MSI2: variants seen among roughly 807,000 people sequenced by gnomAD.
The protein encoded by MSI2 is musashi RNA binding protein 2, also known as RNA-binding protein Musashi homolog 2.
MSI2 carries 17 observed loss-of-function variants against 45.6 expected under a neutral mutation model. The ratio of observed to expected loss-of-function variants is 0.37; its 90% CI spans 0.26 to 0.56. The LOEUF (loss-of-function observed/expected upper bound fraction) is 0.56, where lower values mean the gene tolerates loss of function less well. Ranked by LOEUF, MSI2 falls within the 20% of genes least tolerant of loss-of-function variation. The pLI, the probability that MSI2 is intolerant of heterozygous loss-of-function variation, is 0.77. For missense variants in MSI2, 293 were observed against 444.2 expected, an observed-to-expected ratio of 0.66 and a Z score of 3.06; for synonymous variants, 156 against 158.2, an observed-to-expected ratio of 0.99 and a Z score of 0.11.
chr17:57,333,616 A>AT (rs1415609476), intron 5 of MSI2, among the ~76,000 whole-genome samples: 2 of 151,420 alleles, frequency 1.3e-5, no homozygotes, highest in Non-Finnish European at 2.9e-5. Context: ...ATTTTTTTGT[A>AT]TTTTTAGTAG....
intron 5 of MSI2, among the ~76,000 whole-genome samples, chr17:57,336,631 T>C (rs1914710867): frequency 6.6e-6 from 1 of 152,222 alleles, no homozygotes; most frequent in Non-Finnish European, 1.5e-5. Flanking sequence ...ATAATGTACA[T>C]ATTTAATATG....
At chr17:57,439,332 C>G (rs1387000968) in intron 6 of MSI2, among the ~76,000 whole-genome samples, 5 of 152,268 alleles carry the variant, frequency 3.3e-5, no homozygotes, top group African/African-American at 1.2e-4. Context: ...CTGGTTGTGG[C>G]ATGTCGTAGT....
the MSI2 span, among the ~76,000 whole-genome samples, chr17:57,700,156 G>T: frequency 6.6e-6 from 1 of 152,332 alleles, no homozygotes; most frequent in African/African-American, 2.4e-5. Context: ...CTGGCTTTTT[G>T]CTTCATTCCC....
intron 5 of MSI2, among the ~76,000 whole-genome samples, chr17:57,385,610 C>T (rs1356648780): frequency 1.3e-5 from 2 of 152,082 alleles, no homozygotes; most frequent in Non-Finnish European, 2.9e-5. Context: ...GAGATAGTGC[C>T]GTTGCACCCC....
intron 6 of MSI2, among the ~76,000 whole-genome samples, chr17:57,460,987 G>C (rs2085215935): frequency 6.6e-6 from 1 of 152,200 alleles, no homozygotes; most frequent in Non-Finnish European, 1.5e-5. Context: ...TGCAGAGGCT[G>C]CAGCCCTCTT....
At chr17:57,428,310 A>G (rs1377812725) in intron 6 of MSI2, among the ~76,000 whole-genome samples, 1 of 152,020 alleles carries the variant, frequency 6.6e-6, no homozygotes, top group Non-Finnish European at 1.5e-5. Context: ...TGAAGCCTCC[A>G]TCTCTGGGCT....
In MSI2 at chr17:57,305,289, G is replaced by T. The variant is rs893219418; in HGVS notation, c.312+43097G>T. On this transcript the variant is annotated intron_variant, in intron 5 of 13. Coordinates refer to ENST00000284073, the MANE Select transcript of MSI2 (RefSeq NM_138962.4). ...CGGCATGGGTGAACCGTTCAGCTAG[G>T]GTCTTGGGGAAAGTCAGGCATCTCT... 2.0e-5 allele frequency among the ~76,000 whole-genome samples: 3 copies of T among 152,274 alleles called. No individual in the cohort carries two copies. The South Asian group carries it at 6.2e-4, about 32-fold the overall frequency.
chr17:57,574,522 C>T (rs1270800986), intron 7 of MSI2, among the ~76,000 whole-genome samples: 1 of 152,192 alleles, frequency 6.6e-6, no homozygotes, highest in Non-Finnish European at 1.5e-5. Flanking sequence ...ATTCTGGGTC[C>T]TGTGTCCCCA....
intron 6 of MSI2, among the ~76,000 whole-genome samples, chr17:57,462,205 C>G (rs552702157): frequency 6.6e-6 from 1 of 152,354 alleles, no homozygotes; most frequent in African/African-American, 2.4e-5. Context: ...ATGCCTGGGC[C>G]TAAATGTCCC....
At chr17:57,359,211 C>T (rs897915573) in intron 5 of MSI2, among the ~76,000 whole-genome samples, 8 of 152,196 alleles carry the variant, frequency 5.3e-5, no homozygotes, top group Admixed American at 4.6e-4. Context: ...TGCTGAGAGC[C>T]AGCCCATCAA....
chr17:57,695,626 T>C, the MSI2 span, among the ~76,000 whole-genome samples: 1,158 of 152,346 alleles, frequency 7.6e-3, 52 homozygotes, highest in Admixed American at 0.06. Context: ...CAGAGCTCTC[T>C]GTGAACAGAG....
chr17:57,285,633 C>A (rs1490198113), intron 5 of MSI2, among the ~76,000 whole-genome samples: 1 of 152,174 alleles, frequency 6.6e-6, no homozygotes, highest in Non-Finnish European at 1.5e-5. Context: ...ACAGTCATGC[C>A]TGGGAAGCTT....
chr17:57,324,282 G>A (rs969896940), intron 5 of MSI2, among the ~76,000 whole-genome samples: 4 of 152,228 alleles, frequency 2.6e-5, no homozygotes, highest in South Asian at 2.1e-4. Context: ...CTGGTCCTGC[G>A]AGGGATGCAG....
intron 5 of MSI2, among the ~76,000 whole-genome samples, chr17:57,309,579 A>G (rs9915194): frequency 0.12 from 18,295 of 152,190 alleles, 2,277 homozygotes; most frequent in African/African-American, 0.31. Flanking sequence ...GTGAAAGAAA[A>G]GTGCATGCAA....
chr17:57,513,282 A>G (rs58463473), intron 6 of MSI2, among the ~76,000 whole-genome samples: 2 of 152,092 alleles, frequency 1.3e-5, no homozygotes, highest in African/African-American at 2.4e-5. Flanking sequence ...CTGAATTAGC[A>G]TCTCTTAATG....
rs118073782 is a variant in MSI2, at chr17:57,374,368, C to A, written c.313-27011C>A. 9.9e-3 allele frequency among the ~76,000 whole-genome samples: 1,513 copies of A among 152,306 alleles called. 14 individuals are homozygous for A. The highest frequency in any genetic ancestry group is 0.02 in the Middle Eastern group (6 of 294). ...CCCTTTCTAGCCCTTGAACTTGTAT[C>A]CTGATATTTGTCCCTAAAACTTTAA... On this transcript the variant is annotated intron_variant, in intron 5 of 13. Coordinates refer to ENST00000284073, the MANE Select transcript of MSI2 (RefSeq NM_138962.4).
intron 5 of MSI2, among the ~76,000 whole-genome samples, chr17:57,312,202 T>G (rs1188463000): frequency 6.6e-6 from 1 of 152,224 alleles, no homozygotes; most frequent in Non-Finnish European, 1.5e-5. Flanking sequence ...TATTGTATAG[T>G]TTCTTTTCGA....
At chr17:57,263,582 A>G (rs892465395) in intron 5 of MSI2, 4 of 152,176 alleles carry the variant, frequency 2.6e-5, no homozygotes, top group Non-Finnish European at 5.9e-5. Context: ...TAGTCATTTG[A>G]TCACTCAGAG....
At chr17:57,270,438 G>A (rs1908253756) in intron 5 of MSI2, among the ~76,000 whole-genome samples, 1 of 152,224 alleles carries the variant, frequency 6.6e-6, no homozygotes, top group Non-Finnish European at 1.5e-5. Flanking sequence ...AGTGGGCAGA[G>A]TTGAGGTTGC....
Sources: gnomAD v4.1 joint callset for allele counts (sites outside exome capture counted in the v4.1 genomes callset) on GRCh38, gnomAD v4.1.1 for gene constraint, MANE v1.5 for transcripts, NCBI Gene and HGNC (gene_info 2026-07-23, HGNC 2026-07-21) for gene names.